KATNAL1: variants seen among roughly 807,000 people sequenced by gnomAD.
KATNAL1 encodes katanin catalytic subunit A1 like 1, also known as katanin p60 ATPase-containing subunit A-like 1.
A neutral mutation model predicts 55.2 loss-of-function variants in KATNAL1; 32 were observed. That is an observed-to-expected ratio of 0.58 (90% CI 0.44 to 0.78). The LOEUF (loss-of-function observed/expected upper bound fraction) is 0.78. Among genes scored for constraint, KATNAL1 ranks in the 30% least tolerant of loss-of-function variants. The pLI is 0.00. For synonymous variants in KATNAL1, 193 were observed against 193.6 expected (o/e 1.00, Z 0.02); for missense variants, 466 against 600.9 (o/e 0.78, Z 2.35).
At chr13:30,281,122 C>CAAAAAA (rs1263107106) in intron 2 of KATNAL1, among the ~76,000 whole-genome samples, 4 of 63,558 alleles carry the variant, frequency 6.3e-5, no homozygotes, top group African/African-American at 1.6e-4. Flanking sequence ...GAATCCATGT[C>CAAAAAA]AAAAAAAAAA....
chr13:30,270,107 C>T (rs1348004740), intron 3 of KATNAL1, among the ~76,000 whole-genome samples: 36 of 132,654 alleles, frequency 2.7e-4, no homozygotes, highest in Admixed American at 5.0e-4. Flanking sequence ...CCAGCCGCCC[C>T]GTCCGGGAGG....
rs1350655901 is a variant in KATNAL1, at chr13:30,227,285, T to A, written c.1147+127A>T. 7 of 817,776 alleles carry A rather than the reference T, an allele frequency of 8.6e-6. No homozygotes were observed. In the East Asian group the frequency reaches 1.2e-4, roughly 15 times the overall value. The allele number at this position is 817,776 out of a possible 1,614,324, so 50.7% of individuals were successfully genotyped here. A position where few individuals can be genotyped will look rare whatever the true frequency, so the allele number is the denominator to read the frequency against. Reference sequence around the variant, plus strand: ...TAGAGTACTGTGGCCTGTGTTCACATCTACTACAAATTAATTTTGTGATGC... The same window carrying A: ...TAGAGTACTGTGGCCTGTGTTCACAACTACTACAAATTAATTTTGTGATGC... On this transcript the variant is annotated intron_variant, in intron 9 of 10. Transcript: ENST00000380615.
chr13:30,305,085 C>G (rs1005506967), intron 1 of KATNAL1, among the ~76,000 whole-genome samples: 4 of 152,104 alleles, frequency 2.6e-5, no homozygotes, highest in African/African-American at 9.7e-5. Flanking sequence ...TGTTTCCCCT[C>G]CCAGGTCCAT....
intron 4 of KATNAL1, among the ~76,000 whole-genome samples, chr13:30,251,644 A>G (rs932876735): frequency 6.6e-6 from 1 of 152,240 alleles, no homozygotes; most frequent in Non-Finnish European, 1.5e-5. Context: ...TACTCCTTCT[A>G]AATTACCCTG....
intron 9 of KATNAL1, among the ~76,000 whole-genome samples, chr13:30,218,227 T>TATATAA (rs1555258842): frequency 0.048 from 6,989 of 145,106 alleles, 239 homozygotes; most frequent in South Asian, 0.069. Flanking sequence ...TATATATATA[T>TATATAA]AAAGGACCTG....
In KATNAL1 at chr13:30,204,180, ATAGT is replaced by A. The variant is rs536232977; in HGVS notation, c.*4356_*4359del. The stretch of plus-strand genomic sequence containing the variant: ...CGGAAAAAAAGATACAAAAAAGAGA[ATAGT>A]TAGGATTTTTTCCTCATACAAGTTA... On this transcript the variant is annotated 3_prime_UTR_variant, in exon 11 of 11. Coordinates refer to ENST00000380615, the MANE Select transcript of KATNAL1 (RefSeq NM_032116.5). The A allele has an allele frequency of 2.7e-4, 41 of 152,346 alleles. No individual in the cohort carries two copies. The highest frequency in any genetic ancestry group is 8.9e-4 in the African/African-American group (37 of 41,592). The allele number at this position is 152,346 out of a possible 1,614,324, so 9.4% of individuals were successfully genotyped here.
At position 30,240,116 on chromosome 13, in the gene KATNAL1, A is replaced by G. The variant is rs920277210; in HGVS notation, c.726+344T>C. Among the ~76,000 whole-genome samples, 5 of 152,320 alleles carry G rather than the reference A, an allele frequency of 3.3e-5. No individual in the cohort carries two copies. The South Asian group carries it at 1.0e-3, about 32-fold the overall frequency. ...TCCAACTTTTGAAAACTGTTTGATCACACCTTTCTTCTATAAGACCATATA... is the reference window on the plus strand; with the variant it reads ...TCCAACTTTTGAAAACTGTTTGATCGCACCTTTCTTCTATAAGACCATATA... On this transcript the variant is annotated intron_variant, in intron 6 of 10. Transcript: ENST00000380615.
At position 30,208,314 on chromosome 13, in the gene KATNAL1, A is replaced by G. The variant is rs1470341818; in HGVS notation, c.*226T>C. ...TGGTTTGGGTGTGCAATATTAATGC[A>G]GGAATACGTGGAATACCAGCACAAA... On this transcript the variant is annotated 3_prime_UTR_variant, in exon 11 of 11. Coordinates refer to ENST00000380615, the MANE Select transcript of KATNAL1 (RefSeq NM_032116.5). 1 of 447,312 alleles carries G rather than the reference A, an allele frequency of 2.2e-6. No homozygotes were observed. Among genetic ancestry groups the G allele is most frequent in the Non-Finnish European group, 3.9e-6 (1 of 253,428 alleles). The allele number at this position is 447,312 out of a possible 1,614,324, so 27.7% of individuals were successfully genotyped here. A position where few individuals can be genotyped will look rare whatever the true frequency, so the allele number is the denominator to read the frequency against.
chr13:30,288,958 A>G (rs1881966879), intron 1 of KATNAL1, among the ~76,000 whole-genome samples: 1 of 152,226 alleles, frequency 6.6e-6, no homozygotes, highest in South Asian at 2.1e-4. Context: ...GTAACTGTAG[A>G]CTTCAAACTT....
In KATNAL1 at chr13:30,207,481, G is replaced by C. The variant is rs1317607209; in HGVS notation, c.*1059C>G. The C allele has an allele frequency of 6.6e-6, 1 of 152,212 alleles. No individual in the cohort carries two copies. The highest frequency in any genetic ancestry group is 1.5e-5 in the Non-Finnish European group (1 of 68,032). The allele number at this position is 152,212 out of a possible 1,614,324, so 9.4% of individuals were successfully genotyped here. A position where few individuals can be genotyped will look rare whatever the true frequency, so the allele number is the denominator to read the frequency against. ...TTTCATTTGTTTTGCGTTAGCCACA[G>C]AGAGTGGACTTGTTTAGAATGTAAA... is the stretch of plus-strand genomic sequence containing the variant. On this transcript the variant is annotated 3_prime_UTR_variant, in exon 11 of 11. Coordinates refer to ENST00000380615, the MANE Select transcript of KATNAL1 (RefSeq NM_032116.5).
intron 1 of KATNAL1, among the ~76,000 whole-genome samples, chr13:30,299,256 T>C (rs1882717891): frequency 6.6e-6 from 1 of 152,182 alleles, no homozygotes; most frequent in Admixed American, 6.5e-5. Context: ...CATAAATTTT[T>C]AGTTGTGACC....
chr13:30,263,434 C>G (rs1296600650), intron 3 of KATNAL1, among the ~76,000 whole-genome samples: 3 of 150,792 alleles, frequency 2.0e-5, no homozygotes, highest in Admixed American at 2.0e-4. Context: ...CAAATTGTCC[C>G]TGTTTGCAGA....
At chr13:30,252,180 A>G (rs1255305115) in intron 4 of KATNAL1, among the ~76,000 whole-genome samples, 1 of 152,198 alleles carries the variant, frequency 6.6e-6, no homozygotes, top group Non-Finnish European at 1.5e-5. Flanking sequence ...TTCTCTACAC[A>G]TAAAACAGGA....
chr13:30,247,946 C>T lies in KATNAL1; in HGVS notation c.493-6860G>A, dbSNP rs754719800. Among the ~76,000 whole-genome samples, 3 of 152,120 alleles carry T rather than the reference C, an allele frequency of 2.0e-5. No homozygotes were observed. The East Asian group carries it at 5.8e-4, about 29-fold the overall frequency. ...GAGAGAGGATAAGAAAAAACATATACGGCTATTAAGGCCCCACATTTAATC... is the reference window on the plus strand; with the variant it reads ...GAGAGAGGATAAGAAAAAACATATATGGCTATTAAGGCCCCACATTTAATC... On this transcript the variant is annotated intron_variant, in intron 4 of 10. Coordinates refer to ENST00000380615, the MANE Select transcript of KATNAL1 (RefSeq NM_032116.5).
intron 4 of KATNAL1, among the ~76,000 whole-genome samples, chr13:30,245,520 T>C (rs1389032393): frequency 6.6e-6 from 1 of 151,956 alleles, no homozygotes; most frequent in Non-Finnish European, 1.5e-5. Context: ...CTCTCACCAC[T>C]CCTATTCAAC....
chr13:30,267,015 A>C (rs1193172007), intron 3 of KATNAL1, among the ~76,000 whole-genome samples: 1 of 152,196 alleles, frequency 6.6e-6, no homozygotes, highest in Non-Finnish European at 1.5e-5. Flanking sequence ...AGAGTTGCTA[A>C]GCCATTCATT....
chr13:30,303,785 C>T (rs993563719), intron 1 of KATNAL1, among the ~76,000 whole-genome samples: 4 of 152,074 alleles, frequency 2.6e-5, no homozygotes, highest in South Asian at 2.1e-4. Context: ...TATTAATGCC[C>T]TATACAATAA....
intron 1 of KATNAL1, among the ~76,000 whole-genome samples, chr13:30,305,259 T>A (rs1883107973): frequency 6.6e-6 from 1 of 152,260 alleles, no homozygotes; most frequent in African/African-American, 2.4e-5. Context: ...TTGCAAGTAT[T>A]CTGGGATCCA....
chr13:30,225,530 C>G lies in KATNAL1; in HGVS notation c.1147+1882G>C, dbSNP rs530927247. Among the ~76,000 whole-genome samples, 5 of 152,158 alleles carry G rather than the reference C, an allele frequency of 3.3e-5. No homozygotes were observed. The East Asian group carries it at 9.6e-4, about 29-fold the overall frequency. ...AGAATAGTATTCAGAAATAGACCCA[C>G]ACATACACAACAAAATAATTTTCAA... is the stretch of plus-strand genomic sequence containing the variant. On this transcript the variant is annotated intron_variant, in intron 9 of 10. Transcript: ENST00000380615.
Sources: gnomAD v4.1 joint callset for allele counts (sites outside exome capture counted in the v4.1 genomes callset) on GRCh38, gnomAD v4.1.1 for gene constraint, MANE v1.5 for transcripts, NCBI Gene and HGNC (gene_info 2026-07-23, HGNC 2026-07-21) for gene names.